Variants in SOX6 observed in about 807,000 individuals in gnomAD.
SOX6 encodes transcription factor SOX-6.
SOX6 carries 11 observed loss-of-function variants against 97.8 expected under a neutral mutation model. The ratio of observed to expected loss-of-function variants is 0.11; its 90% CI spans 0.07 to 0.19. SOX6 has a LOEUF of 0.19. Among genes scored for constraint, SOX6 ranks in the 10% least tolerant of loss-of-function variants. SOX6 has a pLI of 1.00. For missense variants in SOX6, 810 were observed against 1,039.5 expected (o/e 0.78, Z 3.04); for synonymous variants, 360 against 371.4 (o/e 0.97, Z 0.35).
intron 3 of SOX6, chr11:16,316,293 C>A (rs577806517): frequency 8.6e-5 from 13 of 151,336 alleles, no homozygotes; most frequent in African/African-American, 2.9e-4. Context: ...TTCTTTAATC[C>A]GTTATATTCA....
chr11:16,732,925 G>GATAT (rs1848362097), intron 2 of SOX6, among the ~76,000 whole-genome samples: 1 of 152,186 alleles, frequency 6.6e-6, no homozygotes, highest in Non-Finnish European at 1.5e-5. Context: ...AGTGGGTGAA[G>GATAT]GATATGAACA....
chr11:16,344,623 T>C lies in SOX6; in HGVS notation c.-4-3371A>G, dbSNP rs1310524058. Among the ~76,000 whole-genome samples the C allele has an allele frequency of 2.0e-5, 3 of 151,982 alleles. No homozygotes were observed. The East Asian group carries it at 5.8e-4, about 29-fold the overall frequency. The stretch of plus-strand genomic sequence containing the variant: ...TGCTTACATTTATTTTAATGCTCAG[T>C]CAGTAATTTTCCATTGCAAAAATTT... On this transcript the variant is annotated intron_variant, in intron 1 of 15. Coordinates refer to ENST00000683767, the MANE Select transcript of SOX6 (RefSeq NM_001367873.1).
In SOX6 at chr11:16,083,796, T is replaced by C. The variant is rs75637906; in HGVS notation, c.1101+12200A>G. ...CACTTTTCACAAACATTTTCTTATG[T>C]ATTCCTCACAACTTCCCTATGGGGG... On this transcript the variant is annotated intron_variant, in intron 9 of 15. Transcript: ENST00000683767. Among the ~76,000 whole-genome samples, 42 of 152,288 alleles carry C rather than the reference T, an allele frequency of 2.8e-4. No homozygotes were observed. In the East Asian group the frequency reaches 5.8e-3, roughly 21 times the overall value.
chr11:16,386,776 T>C (rs992299670), intron 1 of SOX6, among the ~76,000 whole-genome samples: 1 of 149,460 alleles, frequency 6.7e-6, no homozygotes, highest in Non-Finnish European at 1.5e-5. Context: ...AGGTCTCCCT[T>C]TTCCTTCATA....
chr11:16,149,737 G>A (rs1021663220), intron 6 of SOX6, among the ~76,000 whole-genome samples: 1 of 152,158 alleles, frequency 6.6e-6, no homozygotes, highest in Admixed American at 6.5e-5. Context: ...TTTAGCTAAT[G>A]AGCAAGTGAC....
At chr11:16,524,288 G>A (rs901144336) in intron 4 of SOX6, among the ~76,000 whole-genome samples, 1,839 of 151,534 alleles carry the variant, frequency 0.012, 36 homozygotes, top group African/African-American at 0.042. Context: ...CCATGATCAA[G>A]TGGGCTTCAT....
intron 4 of SOX6, among the ~76,000 whole-genome samples, chr11:16,500,526 T>C (rs1406808866): frequency 6.6e-6 from 1 of 152,196 alleles, no homozygotes; most frequent in Non-Finnish European, 1.5e-5. Context: ...AGATTGTCCC[T>C]GTTTGCAGAT....
intron 4 of SOX6, among the ~76,000 whole-genome samples, chr11:16,575,505 A>G (rs1847974812): frequency 6.6e-6 from 1 of 152,246 alleles, no homozygotes; most frequent in South Asian, 2.1e-4. Flanking sequence ...CCAAATGCCC[A>G]GTAAAAATAA....
chr11:16,629,044 A>G (rs1230047168), intron 3 of SOX6, among the ~76,000 whole-genome samples: 1 of 152,158 alleles, frequency 6.6e-6, no homozygotes, highest in Non-Finnish European at 1.5e-5. Context: ...AATCTGTGAA[A>G]AGAGTTTGAC....
chr11:16,538,650 CA>C (rs201291654), intron 4 of SOX6, among the ~76,000 whole-genome samples: 12 of 149,592 alleles, frequency 8.0e-5, no homozygotes, highest in South Asian at 2.1e-4. Flanking sequence ...AAATGGAAAA[CA>C]AAAAAAAAGC....
At chr11:16,631,251 T>A (rs956335813) in intron 3 of SOX6, among the ~76,000 whole-genome samples, 6 of 152,212 alleles carry the variant, frequency 3.9e-5, no homozygotes, top group African/African-American at 1.4e-4. Context: ...TAAAACTCCC[T>A]TAAGGATCTC....
intron 4 of SOX6, among the ~76,000 whole-genome samples, chr11:16,530,266 A>C (rs1208190142): frequency 6.6e-6 from 1 of 152,098 alleles, no homozygotes; most frequent in African/African-American, 2.4e-5. Context: ...AAGGCTTAAC[A>C]CATGGTAGAT....
At chr11:16,260,747 C>T (rs1317389780) in intron 3 of SOX6, among the ~76,000 whole-genome samples, 1 of 152,162 alleles carries the variant, frequency 6.6e-6, no homozygotes, top group East Asian at 1.9e-4. Flanking sequence ...TTTCTCCAAC[C>T]TTTAATTTCC....
intron 3 of SOX6, among the ~76,000 whole-genome samples, chr11:16,683,103 G>A (rs1847941444): frequency 6.6e-6 from 1 of 152,152 alleles, no homozygotes; most frequent in Admixed American, 6.5e-5. Flanking sequence ...ACAAATGGAA[G>A]AACATTCCAT....
chr11:16,248,508 T>C (rs1853407962), intron 3 of SOX6, among the ~76,000 whole-genome samples: 1 of 152,222 alleles, frequency 6.6e-6, no homozygotes, highest in Non-Finnish European at 1.5e-5. Context: ...AAAACCTCAA[T>C]TCTTGACTAC....
At chr11:16,015,159 T>G in intron 12 of SOX6, 109 bp from the exon 13 acceptor site, 1 of 932,596 alleles carries the variant, frequency 1.1e-6, no homozygotes, top group Non-Finnish European at 1.7e-6. Context: ...AAATATCATT[T>G]CTGACCAATG....
chr11:15,978,337 G>C (rs969817719), intron 15 of SOX6, among the ~76,000 whole-genome samples: 3 of 151,816 alleles, frequency 2.0e-5, no homozygotes, highest in Non-Finnish European at 2.9e-5. Flanking sequence ...GCTTATGAAG[G>C]TCACACCATC....
At chr11:16,706,030 G>A (rs763033572) in intron 3 of SOX6, among the ~76,000 whole-genome samples, 9 of 152,022 alleles carry the variant, frequency 5.9e-5, no homozygotes, top group Non-Finnish European at 8.8e-5. Flanking sequence ...TAATTGAAAG[G>A]GGGAAATTTA....
intron 4 of SOX6, among the ~76,000 whole-genome samples, chr11:16,526,257 G>T (rs1360345139): frequency 4.6e-5 from 7 of 152,190 alleles, no homozygotes; most frequent in Admixed American, 2.0e-4. Context: ...ATGTAGACTG[G>T]ATTAAGAAAA....
Sources: gnomAD v4.1 joint callset for allele counts (sites outside exome capture counted in the v4.1 genomes callset) on GRCh38, gnomAD v4.1.1 for gene constraint, MANE v1.5 for transcripts, NCBI Gene and HGNC (gene_info 2026-07-23, HGNC 2026-07-21) for gene names.